The following BMPER variants were observed in gnomAD, a reference collection of about 807,000 sequenced individuals.
BMPER encodes the protein BMP binding endothelial regulator, also known as BMP-binding endothelial regulator protein.
In BMPER, 45 loss-of-function variants were observed where a neutral mutation model predicts 87.3. The ratio of observed to expected loss-of-function variants is 0.52; its 90% CI spans 0.41 to 0.66. The LOEUF is 0.66. Among genes scored for constraint, BMPER ranks in the 30% least tolerant of loss-of-function variants. The probability of loss-of-function intolerance (pLI) is 0.00; values close to 1 mark genes in which losing one functional copy is unlikely to be tolerated. For missense variants in BMPER, 784 were observed against 867.5 expected (o/e 0.90, Z 1.21); for synonymous variants, 326 against 316.2 (o/e 1.03, Z -0.33).
chr7:34,001,562 T>G (rs1280158427), intron 6 of BMPER, among the ~76,000 whole-genome samples: 1 of 134,600 alleles, frequency 7.4e-6, no homozygotes, highest in Non-Finnish European at 1.6e-5. Flanking sequence ...GAATCTGCTT[T>G]CTTTTTTTTT....
At chr7:33,937,513 G>GGTGTGTGTGTGTGTGT (rs376953621) in intron 3 of BMPER, 125 bp downstream of exon 3, 708 of 734,338 alleles carry the variant, frequency 9.6e-4, no homozygotes, top group African/African-American at 5.4e-3. Context: ...GGAGAAGTAG[G>GGTGTGTGTGTGTGTGT]GTGTGTGTGT....
chr7:34,129,675 A>AGAAAGAAAGAAAGAAAGAAG (rs1198127431), intron 13 of BMPER, among the ~76,000 whole-genome samples: 6 of 151,896 alleles, frequency 4.0e-5, no homozygotes, highest in Non-Finnish European at 1.5e-5. Flanking sequence ...AAAGAAAGAA[A>AGAAAGAAAGAAAGAAAGAAG]GAAAGAAAAC....
chr7:33,921,419 G>A (rs1287990980), intron 2 of BMPER, among the ~76,000 whole-genome samples: 4 of 152,290 alleles, frequency 2.6e-5, no homozygotes, highest in East Asian at 3.9e-4. Context: ...TGCAATCAGC[G>A]AGAGTTGGGA....
At chr7:34,116,778 T>G (rs898905453) in intron 13 of BMPER, among the ~76,000 whole-genome samples, 2 of 152,016 alleles carry the variant, frequency 1.3e-5, no homozygotes, top group Non-Finnish European at 2.9e-5. Context: ...TCACCTGAGG[T>G]CAGGAGTTTG....
chr7:34,059,762 A>G (rs1399556229), intron 10 of BMPER, among the ~76,000 whole-genome samples: 2 of 145,238 alleles, frequency 1.4e-5, no homozygotes, highest in Non-Finnish European at 3.0e-5. Context: ...AAAAAAAAAG[A>G]GATAGAGAGG....
intron 13 of BMPER, among the ~76,000 whole-genome samples, chr7:34,118,631 T>G (rs965948338): frequency 1.3e-5 from 2 of 152,182 alleles, no homozygotes; most frequent in African/African-American, 4.8e-5. Context: ...ATGATGAGTA[T>G]GATATTTAGT....
At chr7:33,994,565 A>G (rs972285269) in intron 6 of BMPER, among the ~76,000 whole-genome samples, 16 of 152,322 alleles carry the variant, frequency 1.1e-4, no homozygotes, top group Non-Finnish European at 2.2e-4. Flanking sequence ...ATGGAAATGC[A>G]GAAATCACCC....
intron 13 of BMPER, among the ~76,000 whole-genome samples, chr7:34,115,218 A>G (rs934632076): frequency 6.6e-6 from 1 of 152,248 alleles, no homozygotes; most frequent in Non-Finnish European, 1.5e-5. Context: ...AACAGTACAG[A>G]TAAACTAGTG....
intron 2 of BMPER, among the ~76,000 whole-genome samples, chr7:33,918,806 C>A (rs1784145644): frequency 6.6e-6 from 1 of 152,156 alleles, no homozygotes; most frequent in South Asian, 2.1e-4. Context: ...CAGAGGTCAG[C>A]TAGCCGCAGC....
chr7:34,050,771 G>A (rs931941643), intron 7 of BMPER, among the ~76,000 whole-genome samples: 1 of 152,126 alleles, frequency 6.6e-6, no homozygotes, highest in Non-Finnish European at 1.5e-5. Flanking sequence ...AAATTAGATT[G>A]TACTCTTTAT....
intron 6 of BMPER, among the ~76,000 whole-genome samples, chr7:34,008,007 A>G (rs1585731759): frequency 1.3e-5 from 2 of 152,128 alleles, no homozygotes; most frequent in South Asian, 4.1e-4. Context: ...GGTGATAAAT[A>G]TTAAGTTATT....
chr7:34,017,011 G>A (rs1178451114), intron 6 of BMPER, among the ~76,000 whole-genome samples: 1 of 151,884 alleles, frequency 6.6e-6, no homozygotes, highest in Non-Finnish European at 1.5e-5. Context: ...TTTGGGTGAA[G>A]CATGGCCTCT....
intron 13 of BMPER, among the ~76,000 whole-genome samples, chr7:34,125,337 C>T (rs1186510247): frequency 6.6e-6 from 1 of 152,064 alleles, no homozygotes; most frequent in Non-Finnish European, 1.5e-5. Flanking sequence ...ATCATTTGTC[C>T]CCTCCTCAAT....
chr7:34,003,237 A>T (rs1398356201), intron 6 of BMPER, among the ~76,000 whole-genome samples: 1 of 151,898 alleles, frequency 6.6e-6, no homozygotes, highest in Non-Finnish European at 1.5e-5. Flanking sequence ...ACATATATGT[A>T]AACAAAAAGA....
intron 12 of BMPER, among the ~76,000 whole-genome samples, chr7:34,083,941 C>G (rs748139570): frequency 9.3e-5 from 14 of 150,634 alleles, no homozygotes; most frequent in Middle Eastern, 3.4e-3. Flanking sequence ...TTGCTCTTTC[C>G]AGCAGCTCAA....
At chr7:33,928,691 C>T (rs1041646642) in intron 2 of BMPER, among the ~76,000 whole-genome samples, 1 of 130,356 alleles carries the variant, frequency 7.7e-6, no homozygotes, top group East Asian at 2.3e-4. Context: ...CAGAATAGGA[C>T]CCAAAACAAT....
chr7:33,937,693 C>A (rs781471431), intron 3 of BMPER: 2 of 397,158 alleles, frequency 5.0e-6, no homozygotes, highest in Non-Finnish European at 9.5e-6. Flanking sequence ...CATGCCTCTG[C>A]ATATTTGTAC....
At chr7:34,046,085 ATGCT>A (rs1437343020) in intron 6 of BMPER, among the ~76,000 whole-genome samples, 1 of 152,064 alleles carries the variant, frequency 6.6e-6, no homozygotes, top group African/African-American at 2.4e-5. Flanking sequence ...AGAGGAGGTG[ATGCT>A]GGAATCACCT....
chr7:34,042,801 A>T (rs1033883228), intron 6 of BMPER: 1 of 152,196 alleles, frequency 6.6e-6, no homozygotes, highest in East Asian at 1.9e-4. Flanking sequence ...TACCCCCAAG[A>T]CAGTTTAGCT....
Sources: gnomAD v4.1 joint callset for allele counts (sites outside exome capture counted in the v4.1 genomes callset) on GRCh38, gnomAD v4.1.1 for gene constraint, MANE v1.5 for transcripts, NCBI Gene and HGNC (gene_info 2026-07-23, HGNC 2026-07-21) for gene names.